The following FBXO7 variants were observed in gnomAD, a reference collection of about 807,000 sequenced individuals.
FBXO7 encodes the protein F-box only protein 7.
Under a neutral mutation model 50.2 loss-of-function variants are expected in FBXO7, and 31 were observed. That is an observed-to-expected ratio of 0.62 (90% confidence interval 0.46 to 0.83). The LOEUF (loss-of-function observed/expected upper bound fraction) is 0.83, where lower values mean the gene tolerates loss of function less well. FBXO7 is among the 40% of genes least tolerant of loss of function. FBXO7 has a pLI of 0.00. For missense variants in FBXO7, 667 were observed against 646.6 expected, an observed-to-expected ratio of 1.03 and a Z score of -0.34; for synonymous variants, 256 against 253.1, an observed-to-expected ratio of 1.01 and a Z score of -0.11.
intron 7 of FBXO7, among the ~76,000 whole-genome samples, chr22:32,494,085 TGTG>T (rs1010503088): frequency 3.0e-5 from 4 of 133,124 alleles, no homozygotes; most frequent in African/African-American, 8.7e-5. Flanking sequence ...ACTGTAAAAA[TGTG>T]GTGGGTAGAT....
At chr22:32,482,271 G>T (rs1255026838) in intron 2 of FBXO7, among the ~76,000 whole-genome samples, 1 of 152,142 alleles carries the variant, frequency 6.6e-6, no homozygotes, top group East Asian at 1.9e-4. Flanking sequence ...GTTTTAACAG[G>T]TGACTTTGGA....
intron 8 of FBXO7, 95 bp from the exon 9 acceptor site, chr22:32,498,049 C>T (rs981018692): frequency 2.3e-6 from 3 of 1,313,074 alleles, no homozygotes; most frequent in African/African-American, 1.5e-5. Flanking sequence ...CTGAGGTGTG[C>T]CTATAGATCT....
intron 5 of FBXO7, chr22:32,488,771 G>A (rs993188582): frequency 2.6e-5 from 4 of 152,280 alleles, no homozygotes; most frequent in African/African-American, 9.6e-5. Flanking sequence ...TATTTATAAC[G>A]GTCTCTGATT....
At chr22:32,485,029 TTTC>T (rs1374855876) in intron 3 of FBXO7, 36 bp from the exon 4 acceptor site, 1 of 1,613,828 alleles carries the variant, frequency 6.2e-7, no homozygotes, top group South Asian at 1.1e-5. Context: ...GAGTAACACC[TTTC>T]TTCATTATTT....
chr22:32,492,580 A>G (rs1051549841), intron 6 of FBXO7: 4 of 163,276 alleles, frequency 2.4e-5, no homozygotes, highest in Non-Finnish European at 4.0e-5. Context: ...ACATTGTTCT[A>G]AGCACTTAAT....
intron 1 of FBXO7, chr22:32,477,954 G>A (rs2057439559): frequency 6.6e-6 from 1 of 152,206 alleles, no homozygotes; most frequent in Non-Finnish European, 1.5e-5. Flanking sequence ...TTTTCAAGTA[G>A]AACATAACAG....
chr22:32,487,584 T>A, intron 4 of FBXO7, 161 bp from the exon 5 acceptor site: 1 of 600,174 alleles, frequency 1.7e-6, no homozygotes, highest in South Asian at 2.0e-5. Context: ...GTTTACACTT[T>A]TGAACTTGCT....
chr22:32,477,245 C>T (rs187472519), intron 1 of FBXO7, among the ~76,000 whole-genome samples: 85 of 152,122 alleles, frequency 5.6e-4, no homozygotes, highest in Non-Finnish European at 7.4e-4. Flanking sequence ...AATATATTTA[C>T]GAGTGAAATA....
chr22:32,474,816 A>C lies in FBXO7; in HGVS notation c.-187A>C. 5 of 604,936 alleles carry C rather than the reference A, an allele frequency of 8.3e-6. No individual in the cohort carries two copies. The highest frequency in any genetic ancestry group is 6.3e-5 in the East Asian group (2 of 31,604). The allele number at this position is 604,936 out of a possible 1,614,324, so 37.5% of individuals were successfully genotyped here. ...CCCTCAGGAGAGGGGCGGGCGCTCT[A>C]TTCCAGAGACCGAGTGGCAGGGCGG... On this transcript the variant is annotated 5_prime_UTR_variant, in exon 1 of 9. Coordinates refer to ENST00000266087, the MANE Select transcript of FBXO7 (RefSeq NM_012179.4).
At chr22:32,497,250 C>T (rs781522290) in intron 8 of FBXO7, among the ~76,000 whole-genome samples, 106 of 152,200 alleles carry the variant, frequency 7.0e-4, no homozygotes, top group Middle Eastern at 3.4e-3. Flanking sequence ...TTAGTGCACC[C>T]GTCACCCAAG....
In FBXO7 at chr22:32,474,972, G is replaced by A; in HGVS notation, c.-31G>A. The A allele has an allele frequency of 6.5e-7, 1 of 1,527,616 alleles. No individual in the cohort carries two copies. The highest frequency in any genetic ancestry group is 8.8e-7 in the Non-Finnish European group (1 of 1,142,420). The allele number at this position is 1,527,616 out of a possible 1,614,324, so 94.6% of individuals were successfully genotyped here. On this transcript the variant is annotated 5_prime_UTR_variant, in exon 1 of 9. Transcript: ENST00000266087. ...CCGCCGTCCCCGTCGCCGCTTCCGG[G>A]TCCAGGCCCCTCGGGCCGCCTGCCG... is the stretch of plus-strand genomic sequence containing the variant.
At chr22:32,487,436 G>A in intron 4 of FBXO7, 1 of 227,972 alleles carries the variant, frequency 4.4e-6, no homozygotes, top group South Asian at 8.6e-5. Flanking sequence ...ATTTTATTGT[G>A]TTTAGTTGCC....
intron 8 of FBXO7, 24 bp downstream of exon 8, chr22:32,495,554 C>T (rs748909884): frequency 7.2e-7 from 1 of 1,394,968 alleles, no homozygotes; most frequent in South Asian, 1.2e-5. Context: ...AATATTAAGA[C>T]TAATGTCCAT....
rs79722734 is a variant in FBXO7 at position 32,484,556 on chromosome 22, A to G, written c.645+432A>G. Among the ~76,000 whole-genome samples, 1,117 of 152,296 alleles carry G rather than the reference A, an allele frequency of 7.3e-3. 8 individuals carry two copies. The highest frequency in any genetic ancestry group is 0.024 in the African/African-American group (1,001 of 41,550). ...GAAATTAGGATATAAAAATATTGGG[A>G]TATTTCTTGTCTTCAAGGAGTCCAT... is the stretch of plus-strand genomic sequence containing the variant. On this transcript the variant is annotated intron_variant, in intron 3 of 8. Transcript: ENST00000266087.
At chr22:32,494,606 AAAAAG>A (rs562056622) in intron 7 of FBXO7, among the ~76,000 whole-genome samples, 163 of 148,050 alleles carry the variant, frequency 1.1e-3, no homozygotes, top group African/African-American at 3.9e-3. Flanking sequence ...AATATAGTAA[AAAAAG>A]AAAAGACAGA....
chr22:32,484,090 A>G lies in FBXO7; in HGVS notation c.611A>G (p.His204Arg), dbSNP rs1158528592. The G allele has an allele frequency of 6.2e-7, 1 of 1,614,072 alleles. No individual in the cohort carries two copies. The highest frequency in any genetic ancestry group is 8.5e-7 in the Non-Finnish European group (1 of 1,180,024). Residue 204 changes from histidine (H) to arginine (R), a missense_variant, in exon 3 of 9, where the codon CAT (histidine) becomes CGT (arginine). Coordinates refer to ENST00000266087, the MANE Select transcript of FBXO7 (RefSeq NM_012179.4). ...AATGATGCCTTGATAGTGTTGATAC[A>G]TCTTCTCATGTTGGAGTCAGGTTAC... The part of the protein sequence containing the change: ...DANDALIVLI[H>R]LLMLESGYIP...
rs1455509803 is a variant in FBXO7, at chr22:32,474,946, G to A, written c.-57G>A. On this transcript the variant is annotated 5_prime_UTR_variant, in exon 1 of 9. Coordinates refer to ENST00000266087, the MANE Select transcript of FBXO7 (RefSeq NM_012179.4). Reference sequence around the variant, plus strand: ...TTTGGGGCGGGAGCTGCTCGGCCCCGCCGCCGTCCCCGTCGCCGCTTCCGG... The same window carrying A: ...TTTGGGGCGGGAGCTGCTCGGCCCCACCGCCGTCCCCGTCGCCGCTTCCGG... 7 of 1,487,030 alleles carry A rather than the reference G, an allele frequency of 4.7e-6. No homozygotes were observed. The highest frequency in any genetic ancestry group is 6.3e-6 in the Non-Finnish European group (7 of 1,119,600). 92.1% of individuals were successfully genotyped at this position (1,487,030 alleles called of 1,614,324 possible).
chr22:32,490,880 TATC>T (rs1406623495), intron 5 of FBXO7: 4 of 528,472 alleles, frequency 7.6e-6, no homozygotes, highest in African/African-American at 3.8e-5. Context: ...ACTAATTTGA[TATC>T]ATGGAATTTT....
chr22:32,490,895 A>T (rs2057530484), intron 5 of FBXO7, 191 bp from the exon 6 acceptor site: 1 of 551,748 alleles, frequency 1.8e-6, no homozygotes, highest in African/African-American at 1.9e-5. Context: ...TGGAATTTTT[A>T]GCTTTTATAT....
Sources: allele counts gnomAD v4.1 joint callset (sites outside exome capture counted in the v4.1 genomes callset), GRCh38; gene constraint gnomAD v4.1.1; transcripts MANE v1.5; gene names NCBI Gene and HGNC (gene_info 2026-07-23, HGNC 2026-07-21).